EIF3I: variants seen among roughly 807,000 people sequenced by gnomAD.
The protein encoded by EIF3I is TGF-beta receptor-interacting protein 1.
In EIF3I, 20 loss-of-function variants were observed where a neutral mutation model predicts 43.3. That is an observed-to-expected ratio of 0.46 (90% CI 0.32 to 0.67). The LOEUF is 0.67. EIF3I is among the 30% of genes least tolerant of loss of function. The pLI is 0.03. For synonymous variants in EIF3I, 167 were observed against 151.7 expected (o/e 1.10, Z -0.74); for missense variants, 279 against 421.4 (o/e 0.66, Z 2.96).
chr1:32,235,802 A>C (rs1343988552), downstream of EIF3I, among the ~76,000 whole-genome samples: 1 of 152,184 alleles, frequency 6.6e-6, no homozygotes, highest in East Asian at 1.9e-4. Context: ...GGAGCAACAT[A>C]GCATTCCCTG....
intron 4 of EIF3I, among the ~76,000 whole-genome samples, chr1:32,225,360 A>T (rs959937772): frequency 2.0e-5 from 3 of 152,236 alleles, no homozygotes; most frequent in South Asian, 2.1e-4. Context: ...GTGGAGAAGC[A>T]CAGTCTGAGG....
intron 6 of EIF3I, 65 bp downstream of exon 6, chr1:32,226,595 C>G: frequency 1.4e-6 from 2 of 1,384,236 alleles, no homozygotes; most frequent in Admixed American, 5.5e-5. Flanking sequence ...AAGATAGAGT[C>G]TCTCTCTGTT....
At chr1:32,226,518 G>A in exon 6 of EIF3I, 1 of 1,548,790 alleles carries the variant, frequency 6.5e-7, no homozygotes, top group South Asian at 1.3e-5. Flanking sequence ...AGCTCAACCA[G>A]TATAGTGCCA....
chr1:32,233,791 A>G (rs1230921024), downstream of EIF3I, among the ~76,000 whole-genome samples: 1 of 152,076 alleles, frequency 6.6e-6, no homozygotes, highest in Non-Finnish European at 1.5e-5. Flanking sequence ...TTTTGCAGCA[A>G]ATTTCCCCTT....
chr1:32,223,932 G>A, intron 2 of EIF3I, 102 bp from the exon 3 acceptor site: 1 of 973,478 alleles, frequency 1.0e-6, no homozygotes, highest in Non-Finnish European at 1.6e-6. Flanking sequence ...ACAGAAGAGG[G>A]CAGAATCAGC....
intron 4 of EIF3I, among the ~76,000 whole-genome samples, chr1:32,225,599 G>A (rs1639130383): frequency 6.6e-6 from 1 of 151,940 alleles, no homozygotes; most frequent in African/African-American, 2.4e-5. Flanking sequence ...AAATGAGCCA[G>A]GCATGGTGGT....
In EIF3I at chr1:32,222,655, G is replaced by A. The variant is rs1179702495; in HGVS notation, c.96+25G>A. 3.7e-6 allele frequency: 6 copies of A among 1,607,296 alleles called. No individual in the cohort carries two copies. In the Admixed American group the frequency reaches 8.3e-5, roughly 22 times the overall value. ...TGTGAGTGTTGGCTGGAGGGGGTCCGGGAGGGGCGGGATCCTTCTGCCAGG... is the reference window on the plus strand; with the variant it reads ...TGTGAGTGTTGGCTGGAGGGGGTCCAGGAGGGGCGGGATCCTTCTGCCAGG... On this transcript the variant is annotated intron_variant, in intron 2 of 11. Coordinates refer to ENST00000676679, the Ensembl canonical transcript of EIF3I.
At chr1:32,226,569 T>A (rs1200922336) in intron 6 of EIF3I, 39 bp downstream of exon 6, 3 of 695,566 alleles carry the variant, frequency 4.3e-6, no homozygotes, top group South Asian at 1.1e-4. Flanking sequence ...CCAGAATAAT[T>A]TTTTTTTTTT....
intron 4 of EIF3I, among the ~76,000 whole-genome samples, chr1:32,225,181 G>A (rs1478258365): frequency 6.6e-6 from 1 of 151,936 alleles, no homozygotes; most frequent in African/African-American, 2.4e-5. Context: ...TCACCATGTT[G>A]GCCAGGCTGG....
chr1:32,231,177 A>C, exon 12 of EIF3I: 1 of 1,613,736 alleles, frequency 6.2e-7, no homozygotes, highest in Non-Finnish European at 8.5e-7. Context: ...CAGTACTTCG[A>C]ATTTGAGTTT....
At chr1:32,227,020 A>G (rs1045124825) in intron 6 of EIF3I, among the ~76,000 whole-genome samples, 13 of 151,162 alleles carry the variant, frequency 8.6e-5, no homozygotes, top group African/African-American at 3.2e-4. Flanking sequence ...TTTAGTAGAG[A>G]TGGGGTTTCT....
intron 4 of EIF3I, among the ~76,000 whole-genome samples, 183 bp downstream of exon 4, chr1:32,224,658 C>CTT (rs58586351): frequency 0.016 from 2,242 of 136,280 alleles, 66 homozygotes; most frequent in African/African-American, 0.056. Flanking sequence ...ATTAAGTTTT[C>CTT]TTTTTTTTTT....
At chr1:32,225,095 A>G (rs1488013269) in intron 4 of EIF3I, among the ~76,000 whole-genome samples, 1 of 151,998 alleles carries the variant, frequency 6.6e-6, no homozygotes, top group African/African-American at 2.4e-5. Flanking sequence ...CGGCCTTCCA[A>G]AGTGCTGGGA....
Position 32,224,838 on chromosome 1 carries a change from A to AT in EIF3I, c.250+374dup, listed in dbSNP as rs769672518. 6.0e-3 allele frequency among the ~76,000 whole-genome samples: 844 copies of AT among 140,102 alleles called. 1 individual carries two copies. Among genetic ancestry groups the AT allele is most frequent in the Non-Finnish European group, 9.0e-3 (577 of 64,336 alleles). The allele number at this position is 140,102 out of a possible 152,430, so 91.9% of individuals were successfully genotyped here. A position where few individuals can be genotyped will look rare whatever the true frequency, so the allele number is the denominator to read the frequency against. ...AGGCGCACGCCACCATGCTTGGCTG[A>AT]TTTTTTTTTTTGAGACAGATTCTCT... On this transcript the variant is annotated intron_variant, in intron 4 of 11. Coordinates refer to ENST00000676679, the Ensembl canonical transcript of EIF3I.
At chr1:32,222,602 ACCT>A (rs1294711542) in exon 2 of EIF3I, 19 of 1,613,708 alleles carry the variant, frequency 1.2e-5, no homozygotes, top group Non-Finnish European at 1.5e-5. Context: ...CGCGAAGGAG[ACCT>A]CCTCTTTACT....
intron 6 of EIF3I, among the ~76,000 whole-genome samples, chr1:32,228,160 G>A (rs1393572125): frequency 2.0e-5 from 3 of 152,232 alleles, no homozygotes. Context: ...GACAGAGGAC[G>A]GGGAATAGAT....
At chr1:32,230,181 G>A (rs1273011674) in intron 9 of EIF3I, among the ~76,000 whole-genome samples, 2 of 149,302 alleles carry the variant, frequency 1.3e-5, no homozygotes, top group East Asian at 2.0e-4. Context: ...ACCATGGCAC[G>A]CAGCCACCAA....
downstream of EIF3I, among the ~76,000 whole-genome samples, chr1:32,232,922 C>T (rs1247236574): frequency 6.6e-6 from 1 of 152,198 alleles, no homozygotes; most frequent in Non-Finnish European, 1.5e-5. Flanking sequence ...AGACAGCTGG[C>T]ATCTGGGACT....
downstream of EIF3I, among the ~76,000 whole-genome samples, chr1:32,235,561 C>T (rs1184846978): frequency 6.6e-6 from 1 of 152,114 alleles, no homozygotes; most frequent in African/African-American, 2.4e-5. Flanking sequence ...CCTTGTGATC[C>T]GCCCACCTCG....
Sources: allele counts gnomAD v4.1 joint callset (sites outside exome capture counted in the v4.1 genomes callset), GRCh38; gene constraint gnomAD v4.1.1; transcripts MANE v1.5; gene names NCBI Gene and HGNC (gene_info 2026-07-23, HGNC 2026-07-21).